ENOX1: variants seen among roughly 807,000 people sequenced by gnomAD.
The protein encoded by ENOX1 is ecto-NOX disulfide-thiol exchanger 1.
ENOX1 carries 42 observed loss-of-function variants against 82.5 expected under a neutral mutation model. That is an observed-to-expected ratio of 0.51 (90% CI 0.40 to 0.66). The LOEUF (loss-of-function observed/expected upper bound fraction) is 0.66, where lower values mean the gene tolerates loss of function less well. Among genes scored for constraint, ENOX1 ranks in the 30% least tolerant of loss-of-function variants. The pLI is 0.00. For missense variants in ENOX1, 608 were observed against 811.6 expected, an observed-to-expected ratio of 0.75 and a Z score of 3.05; for synonymous variants, 271 against 282.2, an observed-to-expected ratio of 0.96 and a Z score of 0.40.
chr13:43,332,551 A>T (rs929972160), intron 9 of ENOX1, among the ~76,000 whole-genome samples: 35 of 152,286 alleles, frequency 2.3e-4, no homozygotes, highest in African/African-American at 8.4e-4. Flanking sequence ...TATATAAAAA[A>T]ACAGGATGTT....
At chr13:43,295,035 G>A (rs1425030412) in intron 12 of ENOX1, among the ~76,000 whole-genome samples, 1 of 152,202 alleles carries the variant, frequency 6.6e-6, no homozygotes, top group Non-Finnish European at 1.5e-5. Flanking sequence ...GGTAGTGGTG[G>A]TTACGTGACT....
At chr13:43,268,126 AAG>A (rs1310636331) in intron 13 of ENOX1, among the ~76,000 whole-genome samples, 1 of 152,170 alleles carries the variant, frequency 6.6e-6, no homozygotes, top group African/African-American at 2.4e-5. Flanking sequence ...ATTTAGAGAA[AAG>A]AGAAATTCAC....
intron 5 of ENOX1, among the ~76,000 whole-genome samples, chr13:43,366,767 A>G (rs1013387552): frequency 1.3e-5 from 2 of 152,236 alleles, no homozygotes; most frequent in African/African-American, 4.8e-5. Context: ...AATTTAACTA[A>G]TCATTCTAAG....
chr13:43,632,101 G>A (rs189022001), intron 2 of ENOX1, among the ~76,000 whole-genome samples: 1 of 152,252 alleles, frequency 6.6e-6, no homozygotes, highest in Admixed American at 6.5e-5. Flanking sequence ...TTTCTATTGA[G>A]ATGTTAGGTT....
chr13:43,742,767 T>C (rs1361340514), intron 1 of ENOX1, among the ~76,000 whole-genome samples: 1 of 152,174 alleles, frequency 6.6e-6, no homozygotes, highest in African/African-American at 2.4e-5. Flanking sequence ...GTTTTGGAAG[T>C]TGAGCTGATA....
chr13:43,506,194 C>A (rs891441938), intron 2 of ENOX1, among the ~76,000 whole-genome samples: 5 of 151,900 alleles, frequency 3.3e-5, no homozygotes, highest in African/African-American at 4.8e-5. Flanking sequence ...ATGATGCCTC[C>A]AGCTTTGTTC....
intron 3 of ENOX1, among the ~76,000 whole-genome samples, chr13:43,433,259 T>C (rs1230444071): frequency 1.3e-5 from 2 of 152,142 alleles, no homozygotes; most frequent in Non-Finnish European, 2.9e-5. Flanking sequence ...GCATCCTTTT[T>C]ATAATAACCC....
At chr13:43,772,502 A>G (rs2153837296) in intron 1 of ENOX1, among the ~76,000 whole-genome samples, 1 of 152,272 alleles carries the variant, frequency 6.6e-6, no homozygotes, top group Admixed American at 6.5e-5. Flanking sequence ...AGATCCCAGC[A>G]CTTTGGGAGG....
chr13:43,259,974 T>G (rs1457182342), intron 14 of ENOX1, among the ~76,000 whole-genome samples: 3 of 152,212 alleles, frequency 2.0e-5, no homozygotes, highest in African/African-American at 7.2e-5. Context: ...GTACAGGTTG[T>G]CTTTTTCTTT....
intron 1 of ENOX1, among the ~76,000 whole-genome samples, chr13:43,759,066 T>G (rs200757625): frequency 1.3e-5 from 2 of 149,644 alleles, no homozygotes; most frequent in East Asian, 3.9e-4. Context: ...GTTAAGTAAG[T>G]GAAAACCTGG....
intron 2 of ENOX1, among the ~76,000 whole-genome samples, chr13:43,570,850 G>A (rs866396239): frequency 1.1e-4 from 16 of 152,180 alleles, no homozygotes; most frequent in African/African-American, 3.4e-4. Context: ...CTGTTTGCAC[G>A]ACAACATTTT....
chr13:43,351,543 C>A (rs1357179303), intron 8 of ENOX1, among the ~76,000 whole-genome samples: 22 of 144,144 alleles, frequency 1.5e-4, no homozygotes, highest in Non-Finnish European at 2.9e-4. Context: ...GTCATCTAGC[C>A]TTAGGTATAT....
intron 9 of ENOX1, among the ~76,000 whole-genome samples, chr13:43,333,105 T>G (rs1041401112): frequency 1.3e-5 from 2 of 152,252 alleles, no homozygotes; most frequent in African/African-American, 2.4e-5. Flanking sequence ...GGAAATCTAT[T>G]CATATGTATG....
At chr13:43,770,264 C>T (rs939406146) in intron 1 of ENOX1, among the ~76,000 whole-genome samples, 2 of 152,086 alleles carry the variant, frequency 1.3e-5, no homozygotes, top group Non-Finnish European at 1.5e-5. Flanking sequence ...AATGGCATTC[C>T]CCCTGGTCAC....
At chr13:43,449,582 A>T (rs1370586214) in intron 3 of ENOX1, among the ~76,000 whole-genome samples, 1 of 152,234 alleles carries the variant, frequency 6.6e-6, no homozygotes, top group Non-Finnish European at 1.5e-5. Context: ...AATTGTAGTA[A>T]AGTAACTTTC....
intron 8 of ENOX1, among the ~76,000 whole-genome samples, chr13:43,349,287 T>C (rs552181042): frequency 2.0e-5 from 3 of 152,172 alleles, no homozygotes; most frequent in African/African-American, 4.8e-5. Flanking sequence ...TGTCAGATAA[T>C]CCCACAGAAG....
chr13:43,252,481 C>CTT (rs899108966), intron 14 of ENOX1, among the ~76,000 whole-genome samples: 4 of 152,184 alleles, frequency 2.6e-5, no homozygotes, highest in African/African-American at 9.6e-5. Flanking sequence ...TGCACTCTTT[C>CTT]TTTTTATTTT....
At chr13:43,411,227 CA>C in intron 5 of ENOX1, among the ~76,000 whole-genome samples, 1 of 152,110 alleles carries the variant, frequency 6.6e-6, no homozygotes, top group Non-Finnish European at 1.5e-5. Context: ...AAAGGCTCTT[CA>C]AAGACACTTA....
chr13:43,326,324 C>T, intron 10 of ENOX1, 95 bp downstream of exon 10: 3 of 997,478 alleles, frequency 3.0e-6, no homozygotes, highest in South Asian at 3.1e-5. Flanking sequence ...GGCGGACTGC[C>T]CACTATAACA....
Sources: gnomAD v4.1 joint callset for allele counts (sites outside exome capture counted in the v4.1 genomes callset) on GRCh38, gnomAD v4.1.1 for gene constraint, MANE v1.5 for transcripts, NCBI Gene and HGNC (gene_info 2026-07-23, HGNC 2026-07-21) for gene names.